Variants in STK38 observed in about 807,000 individuals in gnomAD.
STK38 encodes serine/threonine-protein kinase 38.
Under a neutral mutation model 59.0 loss-of-function variants are expected in STK38, and 26 were observed. That is an observed-to-expected ratio of 0.44 (90% CI 0.32 to 0.61). The LOEUF (loss-of-function observed/expected upper bound fraction) is 0.61, where lower values mean the gene tolerates loss of function less well. Ranked by LOEUF, STK38 falls within the 20% of genes least tolerant of loss-of-function variation. The pLI is 0.04. For synonymous variants in STK38, 175 were observed against 176.6 expected (o/e 0.99, Z 0.07); for missense variants, 433 against 566.0 (o/e 0.76, Z 2.38).
chr6:36,503,152 T>A (rs1776879568), intron 9 of STK38, among the ~76,000 whole-genome samples: 1 of 152,192 alleles, frequency 6.6e-6, no homozygotes, highest in African/African-American at 2.4e-5. Context: ...ACACATGAAT[T>A]CTGAAAGATA....
chr6:36,533,323 T>C (rs867740524), intron 2 of STK38, among the ~76,000 whole-genome samples: 4 of 152,276 alleles, frequency 2.6e-5, no homozygotes, highest in Middle Eastern at 6.8e-3. Context: ...TACTGTTCTT[T>C]AATGAAAAAT....
rs376070615 is a variant in STK38, at chr6:36,527,930, T to C, written c.132-2288A>G. Among the ~76,000 whole-genome samples, 38 of 143,354 alleles carry C rather than the reference T, an allele frequency of 2.7e-4. 1 individual carries two copies. The South Asian group carries it at 8.2e-3, about 31-fold the overall frequency. 94.0% of individuals were successfully genotyped at this position (143,354 alleles called of 152,430 possible). On this transcript the variant is annotated intron_variant, in intron 2 of 13. Coordinates refer to ENST00000229812, the MANE Select transcript of STK38 (RefSeq NM_007271.4). ...CTGGCTAACACAGAGAAACCCCATC[T>C]CTACTAAAAATACAAAAAAAAAAAA...
intron 5 of STK38, among the ~76,000 whole-genome samples, chr6:36,520,305 T>G (rs1777348953): frequency 6.6e-6 from 1 of 152,238 alleles, no homozygotes; most frequent in African/African-American, 2.4e-5. Context: ...TTTTAGAAAG[T>G]GATTTTGAAG....
intron 7 of STK38, among the ~76,000 whole-genome samples, chr6:36,515,039 T>C (rs981091550): frequency 4.0e-4 from 61 of 152,212 alleles, no homozygotes; most frequent in African/African-American, 1.4e-3. Context: ...ACACAGTTAA[T>C]TATATGCTAA....
chr6:36,529,419 G>A (rs1777613705), intron 2 of STK38, among the ~76,000 whole-genome samples: 2 of 152,060 alleles, frequency 1.3e-5, no homozygotes, highest in Non-Finnish European at 2.9e-5. Flanking sequence ...AGAATAGCAG[G>A]ACTCTCCACA....
Position 36,506,488 on chromosome 6 carries a change from T to C in STK38, c.834+95A>G, listed in dbSNP as rs1393013092. The C allele has an allele frequency of 8.5e-6, 11 of 1,289,884 alleles. 1 individual carries two copies. The highest frequency in any genetic ancestry group is 2.5e-5 in the South Asian group (2 of 78,798). The allele number at this position is 1,289,884 out of a possible 1,614,324, so 79.9% of individuals were successfully genotyped here. On this transcript the variant is annotated intron_variant, in intron 9 of 13. Coordinates refer to ENST00000229812, the MANE Select transcript of STK38 (RefSeq NM_007271.4). ...GGTAATCTTAAAAGCAAGGGATATG[T>C]TGCAAATATTTGTCAAATGCAAATT...
chr6:36,503,051 C>T (rs2127468647), intron 9 of STK38, among the ~76,000 whole-genome samples: 2 of 152,264 alleles, frequency 1.3e-5, no homozygotes, highest in Middle Eastern at 3.4e-3. Context: ...TATGAAAATG[C>T]AATAAACATT....
intron 10 of STK38, 24 bp downstream of exon 10, chr6:36,499,849 G>C: frequency 1.3e-6 from 2 of 1,587,186 alleles, no homozygotes; most frequent in Non-Finnish European, 8.7e-7. Context: ...CACAGAAAAA[G>C]TCCTCTGAAA....
At chr6:36,515,263 A>C in intron 7 of STK38, 75 bp downstream of exon 7, 1 of 1,533,798 alleles carries the variant, frequency 6.5e-7, no homozygotes, top group South Asian at 1.3e-5. Flanking sequence ...GGATGACCAC[A>C]GGGGTGCAGG....
chr6:36,501,794 C>G (rs1776847255), intron 9 of STK38, among the ~76,000 whole-genome samples: 1 of 152,276 alleles, frequency 6.6e-6, no homozygotes, highest in South Asian at 2.1e-4. Context: ...CTGCCGTATG[C>G]TATACTGTTA....
chr6:36,513,882 T>G (rs1238275365), intron 7 of STK38, among the ~76,000 whole-genome samples: 9 of 139,862 alleles, frequency 6.4e-5, no homozygotes, highest in Admixed American at 7.3e-5. Context: ...AAGGCCAGGC[T>G]TGGTGGCTCA....
rs1776715577 is a variant in STK38, at chr6:36,496,795, C to A, written c.1183G>T (p.Ala395Ser). Residue 395 changes from alanine to serine, a missense_variant, in exon 13 of 14, where the codon GCT becomes TCT. This residue lies in a region of STK38 where 136 missense variants were observed against 156.7 expected (regional missense o/e 0.87). Coordinates refer to ENST00000229812, the MANE Select transcript of STK38 (RefSeq NM_007271.4). ...VDWEHIRERP[A>S]AISIEIKSID... ...CTTTTGATTTCAATAGATATTGCAG[C>A]AGGTCTCTCTCTGCCAAGAATACAC... is the stretch of plus-strand genomic sequence containing the variant. 1 of 1,611,966 alleles carries A rather than the reference C, an allele frequency of 6.2e-7. No homozygotes were observed. The highest frequency in any genetic ancestry group is 2.2e-5 in the East Asian group (1 of 44,794).
At chr6:36,498,282 G>A in intron 11 of STK38, 81 bp downstream of exon 11, 2 of 1,530,582 alleles carry the variant, frequency 1.3e-6, no homozygotes, top group Non-Finnish European at 1.8e-6. Flanking sequence ...GCAGATTCAG[G>A]AGATAACAAA....
chr6:36,546,926 A>C (rs1778064819), intron 1 of STK38, among the ~76,000 whole-genome samples: 1 of 152,132 alleles, frequency 6.6e-6, no homozygotes, highest in African/African-American at 2.4e-5. Context: ...TCCCGCTCCA[A>C]CTGCAAAAGG....
intron 6 of STK38, 26 bp from the exon 7 acceptor site, chr6:36,515,518 CCACACACACACACA>C (rs66494457): frequency 7.4e-5 from 114 of 1,538,616 alleles, no homozygotes; most frequent in African/African-American, 6.8e-4. Context: ...TACAAAGCCA[CCACACACACACACA>C]CACACACACA....
intron 1 of STK38, among the ~76,000 whole-genome samples, chr6:36,541,759 A>G (rs1191510910): frequency 1.3e-5 from 2 of 151,992 alleles, no homozygotes; most frequent in South Asian, 2.1e-4. Context: ...AAATGTTATT[A>G]GTGGCTTACC....
intron 2 of STK38, among the ~76,000 whole-genome samples, chr6:36,536,086 G>T (rs1021368981): frequency 6.6e-6 from 1 of 152,094 alleles, no homozygotes; most frequent in Non-Finnish European, 1.5e-5. Context: ...ACTGGCTAAG[G>T]ACAGACAAGG....
rs555661636 is a variant in STK38, at chr6:36,506,727, T to C, written c.773-83A>G. On this transcript the variant is annotated intron_variant, in intron 8 of 13. Coordinates refer to ENST00000229812, the MANE Select transcript of STK38 (RefSeq NM_007271.4). The stretch of plus-strand genomic sequence containing the variant: ...TTTTAGTAGGCTCTTTCAAGTCACA[T>C]GAGACCCTAAAGTCTTGCTTTTCTT... The C allele has an allele frequency of 5.4e-5, 68 of 1,248,470 alleles. 3 individuals carry two copies. In the South Asian group the frequency reaches 8.9e-4, roughly 16 times the overall value. The allele number at this position is 1,248,470 out of a possible 1,614,324, so 77.3% of individuals were successfully genotyped here.
intron 7 of STK38, among the ~76,000 whole-genome samples, chr6:36,508,286 A>G (rs1777017362): frequency 6.6e-6 from 1 of 152,060 alleles, no homozygotes; most frequent in South Asian, 2.1e-4. Flanking sequence ...TTGGGACTTC[A>G]TTGTTTACCT....
Sources: allele counts gnomAD v4.1 joint callset (sites outside exome capture counted in the v4.1 genomes callset), GRCh38; gene constraint gnomAD v4.1.1; regional missense constraint gnomAD v4.1.1; transcripts MANE v1.5; gene names NCBI Gene and HGNC (gene_info 2026-07-23, HGNC 2026-07-21).